Variants in RCOR3 observed in about 807,000 individuals in gnomAD.
The protein encoded by RCOR3 is REST corepressor 3.
Under a neutral mutation model 64.1 loss-of-function variants are expected in RCOR3, and 13 were observed. The ratio of observed to expected loss-of-function variants is 0.20; its 90% CI spans 0.13 to 0.32. The LOEUF (loss-of-function observed/expected upper bound fraction) is 0.32, where lower values mean the gene tolerates loss of function less well. Ranked by LOEUF, RCOR3 falls within the 10% of genes least tolerant of loss-of-function variation. The pLI, the probability that RCOR3 is intolerant of heterozygous loss-of-function variation, is 1.00. For missense variants in RCOR3, 489 were observed against 701.2 expected, an observed-to-expected ratio of 0.70 and a Z score of 3.42; for synonymous variants, 215 against 239.0, an observed-to-expected ratio of 0.90 and a Z score of 0.93.
At position 211,278,152 on chromosome 1, in the gene RCOR3, T is replaced by C. The variant is rs1448160110; in HGVS notation, c.552T>C (p.Tyr184=). The C allele has an allele frequency of 1.2e-6, 2 of 1,606,360 alleles. No individual in the cohort carries two copies. Among genetic ancestry groups the C allele is most frequent in the Non-Finnish European group, 1.7e-6 (2 of 1,177,850 alleles). The change falls in exon 6 of 12, where the codon TAT becomes TAC. Residue 184 remains tyrosine (Y), a synonymous_variant. Coordinates refer to ENST00000419091, the MANE Select transcript of RCOR3 (RefSeq NM_001136223.3). ...PDKTIASLVK[Y]YYSWKKTRSR... Reference sequence around the variant, plus strand: ...AGACAATTGCAAGCCTTGTAAAATATTACTATTCTTGGAAAAAAACTCGCT... The same window carrying C: ...AGACAATTGCAAGCCTTGTAAAATACTACTATTCTTGGAAAAAAACTCGCT...
At position 211,279,771 on chromosome 1, in the gene RCOR3, A is replaced by T. The variant is rs545283417; in HGVS notation, c.720+455A>T. Among the ~76,000 whole-genome samples the T allele has an allele frequency of 3.4e-4, 52 of 152,244 alleles. 1 individual carries two copies. The highest frequency in any genetic ancestry group is 1.3e-3 in the African/African-American group (52 of 41,538). ...TCTGCCTTACCTTTGTTTCCCAGAA[A>T]CGTGGTCCCAATGATCAACTATTCG... On this transcript the variant is annotated intron_variant, in intron 7 of 11. Coordinates refer to ENST00000419091, the MANE Select transcript of RCOR3 (RefSeq NM_001136223.3).
intron 2 of RCOR3, among the ~76,000 whole-genome samples, chr1:211,268,626 C>G (rs148330589): frequency 0.028 from 4,284 of 152,118 alleles, 79 homozygotes; most frequent in South Asian, 0.073. Context: ...ATCCGTCCAC[C>G]TCGGCCTCTC....
At chr1:211,263,973 A>G (rs1385591581) in intron 2 of RCOR3, among the ~76,000 whole-genome samples, 3 of 152,200 alleles carry the variant, frequency 2.0e-5, no homozygotes, top group African/African-American at 7.2e-5. Context: ...ACATGCCACC[A>G]TACCCGGCTA....
At chr1:211,260,052 T>G (rs1032847492) in intron 1 of RCOR3, 56 bp from the exon 2 acceptor site, 21 of 1,508,680 alleles carry the variant, frequency 1.4e-5, no homozygotes, top group Non-Finnish European at 1.8e-5. Flanking sequence ...CTCTTCCTTT[T>G]TCTTTCTTTT....
intron 2 of RCOR3, among the ~76,000 whole-genome samples, chr1:211,269,854 G>A (rs984992459): frequency 7.9e-5 from 12 of 152,012 alleles, no homozygotes; most frequent in Non-Finnish European, 1.6e-4. Context: ...GAGGCTAGGT[G>A]TGGTGGCATG....
intron 4 of RCOR3, among the ~76,000 whole-genome samples, chr1:211,275,917 A>G (rs531442450): frequency 1.3e-5 from 2 of 152,200 alleles, no homozygotes; most frequent in Admixed American, 1.3e-4. Flanking sequence ...CCTTTTAGCA[A>G]ATTTTTTCCT....
Position 211,276,294 on chromosome 1 carries a change from A to G in RCOR3, c.392A>G (p.Glu131Gly). 1.9e-6 allele frequency: 3 copies of G among 1,613,916 alleles called. No homozygotes were observed. Among genetic ancestry groups the G allele is most frequent in the Non-Finnish European group, 2.5e-6 (3 of 1,179,834 alleles). ...GMLFWHKHNIEKSLADLPNFT... is the reference protein window; with the variant it reads ...GMLFWHKHNIGKSLADLPNFT... ...TTGTTCTGGCATAAACATAACATTG[A>G]GAAGTCCCTTGCTGATCTCCCTAAT... Residue 131 changes from glutamate to glycine, a missense_variant, in exon 5 of 12, where the codon GAG becomes GGG. This residue lies in a region of RCOR3 where 402 missense variants were observed against 617.0 expected (regional missense o/e 0.65). Transcript: ENST00000419091.
chr1:211,274,326 A>G (rs1696653380), intron 4 of RCOR3, 64 bp downstream of exon 4: 1 of 1,156,870 alleles, frequency 8.6e-7, no homozygotes. Context: ...AGATTATCTC[A>G]TGATAGTTTC....
chr1:211,272,864 G>A (rs71640006), intron 3 of RCOR3, among the ~76,000 whole-genome samples: 17,555 of 151,168 alleles, frequency 0.12, 1,137 homozygotes, highest in South Asian at 0.2. Context: ...CTCGTGATCC[G>A]CCCGCCTCGG....
rs1697999976 is a variant in RCOR3 at position 211,282,809 on chromosome 1, A to G, written c.720+3493A>G. On this transcript the variant is annotated intron_variant, in intron 7 of 11. Coordinates refer to ENST00000419091, the MANE Select transcript of RCOR3 (RefSeq NM_001136223.3). ...CCACCGTGCCCGGCCTCAATTGCAT[A>G]GTCTCACCTTCTCTCTAGAGGGAAC... Among the ~76,000 whole-genome samples the G allele has an allele frequency of 2.6e-5, 4 of 152,048 alleles. No individual in the cohort carries two copies. The South Asian group carries it at 8.3e-4, about 32-fold the overall frequency.
At chr1:211,288,226 T>G (rs1201261472) in intron 7 of RCOR3, among the ~76,000 whole-genome samples, 1 of 151,680 alleles carries the variant, frequency 6.6e-6, no homozygotes, top group Non-Finnish European at 1.5e-5. Flanking sequence ...AAAAAAAAAT[T>G]GGATTATTAA....
intron 10 of RCOR3, among the ~76,000 whole-genome samples, chr1:211,308,691 T>G (rs902537052): frequency 1.1e-4 from 7 of 64,300 alleles, no homozygotes; most frequent in East Asian, 4.8e-4. Context: ...TTTGTTTTTT[T>G]TTTTTTTTGT....
At chr1:211,299,314 G>T (rs1447098380) in intron 9 of RCOR3, among the ~76,000 whole-genome samples, 1 of 152,210 alleles carries the variant, frequency 6.6e-6, no homozygotes, top group South Asian at 2.1e-4. Context: ...TTGAAAGTAT[G>T]TGAGAGTGTT....
At chr1:211,297,081 A>G (rs776462362) in intron 9 of RCOR3, among the ~76,000 whole-genome samples, 10 of 152,174 alleles carry the variant, frequency 6.6e-5, no homozygotes, top group Non-Finnish European at 1.3e-4. Context: ...TAATCATTAA[A>G]TAAAACGAAA....
At chr1:211,280,743 G>T (rs1002197891) in intron 7 of RCOR3, among the ~76,000 whole-genome samples, 3 of 152,146 alleles carry the variant, frequency 2.0e-5, no homozygotes, top group African/African-American at 4.8e-5. Flanking sequence ...TGGCACTTCG[G>T]GAGGCCAAGG....
chr1:211,301,028 GGT>G (rs1029647566), intron 9 of RCOR3, among the ~76,000 whole-genome samples: 1 of 151,808 alleles, frequency 6.6e-6, no homozygotes, highest in Non-Finnish European at 1.5e-5. Context: ...TGGCTGTGTG[GGT>G]GTGTTGACAG....
At chr1:211,289,725 TTAG>T (rs1164587025) in intron 8 of RCOR3, among the ~76,000 whole-genome samples, 4 of 152,192 alleles carry the variant, frequency 2.6e-5, no homozygotes, top group African/African-American at 9.7e-5. Flanking sequence ...TGTAGATTGT[TTAG>T]TAGTGCTTGG....
At chr1:211,260,231 T>TA (rs1308698258) in intron 2 of RCOR3, 67 bp downstream of exon 2, 29 of 1,475,526 alleles carry the variant, frequency 2.0e-5, no homozygotes, top group Admixed American at 6.9e-5. Flanking sequence ...GTGGACGGGC[T>TA]AGGAGTCCGG....
At chr1:211,295,813 T>A in intron 9 of RCOR3, 60 bp downstream of exon 9, 2 of 1,345,012 alleles carry the variant, frequency 1.5e-6, no homozygotes, top group Non-Finnish European at 2.1e-6. Flanking sequence ...TTCAGTTATC[T>A]AGTGCCCAAG....
Sources: allele counts gnomAD v4.1 joint callset (sites outside exome capture counted in the v4.1 genomes callset), GRCh38; gene constraint gnomAD v4.1.1; regional missense constraint gnomAD v4.1.1; transcripts MANE v1.5; gene names NCBI Gene and HGNC (gene_info 2026-07-23, HGNC 2026-07-21).